The following ZC2HC1A variants were observed in gnomAD, a reference collection of about 807,000 sequenced individuals.
ZC2HC1A encodes the protein zinc finger C2HC-type containing 1A, also known as zinc finger C2HC domain-containing protein 1A.
ZC2HC1A carries 28 observed loss-of-function variants against 40.7 expected under a neutral mutation model. The observed-to-expected ratio is 0.69, with a 90% CI of 0.51 to 0.94. ZC2HC1A has a LOEUF of 0.94. ZC2HC1A is among the 40% of genes least tolerant of loss of function. The probability of loss-of-function intolerance (pLI) is 0.00; values close to 1 mark genes in which losing one functional copy is unlikely to be tolerated. For synonymous variants in ZC2HC1A, 129 were observed against 129.2 expected, an observed-to-expected ratio of 1.00 and a Z score of 0.01; for missense variants, 389 against 386.3, an observed-to-expected ratio of 1.01 and a Z score of -0.06.
At chr8:78,708,965 CAAAAGAT>C (rs2130593897) in intron 7 of ZC2HC1A, among the ~76,000 whole-genome samples, 1 of 152,166 alleles carries the variant, frequency 6.6e-6, no homozygotes, top group East Asian at 1.9e-4. Flanking sequence ...CACGCCCGGC[CAAAAGAT>C]GATTATCTTT....
chr8:78,706,882 A>G (rs1454851144), intron 7 of ZC2HC1A, among the ~76,000 whole-genome samples: 1 of 152,148 alleles, frequency 6.6e-6, no homozygotes, highest in African/African-American at 2.4e-5. Flanking sequence ...TAGAAAAGGA[A>G]AAAAAAATCA....
chr8:78,713,017 CTG>C (rs1810997252), intron 7 of ZC2HC1A, among the ~76,000 whole-genome samples: 1 of 152,122 alleles, frequency 6.6e-6, no homozygotes, highest in African/African-American at 2.4e-5. Context: ...AGAGTTTGTG[CTG>C]TGAGCCGTTT....
At chr8:78,670,476 GCTT>G in intron 1 of ZC2HC1A, among the ~76,000 whole-genome samples, 1 of 152,252 alleles carries the variant, frequency 6.6e-6, no homozygotes, top group South Asian at 2.1e-4. Context: ...AACATACTAA[GCTT>G]CTTTTTTTAA....
At chr8:78,698,567 G>T (rs1466635251) in intron 7 of ZC2HC1A, 54 bp downstream of exon 7, 10 of 1,242,876 alleles carry the variant, frequency 8.0e-6, no homozygotes, top group Non-Finnish European at 1.1e-5. Flanking sequence ...CGATACTAAG[G>T]TTTTGTTATG....
chr8:78,692,597 G>T (rs1170641348), intron 5 of ZC2HC1A, among the ~76,000 whole-genome samples: 1 of 152,054 alleles, frequency 6.6e-6, no homozygotes, highest in African/African-American at 2.4e-5. Context: ...AGGTCTAAGT[G>T]TAGGTGGTTA....
chr8:78,702,504 C>G (rs983366519), intron 7 of ZC2HC1A, among the ~76,000 whole-genome samples: 1 of 152,012 alleles, frequency 6.6e-6, no homozygotes, highest in Non-Finnish European at 1.5e-5. Context: ...CTTCTGCTAG[C>G]TTTGGGATTT....
chr8:78,716,027 G>A (rs1377029861), intron 8 of ZC2HC1A, among the ~76,000 whole-genome samples: 3 of 136,980 alleles, frequency 2.2e-5, no homozygotes, highest in African/African-American at 8.1e-5. Context: ...GTGACAGAGC[G>A]AGACTCCATC....
At chr8:78,683,383 C>T (rs1350272730) in intron 3 of ZC2HC1A, among the ~76,000 whole-genome samples, 1 of 152,226 alleles carries the variant, frequency 6.6e-6, no homozygotes, top group East Asian at 1.9e-4. Context: ...TCCCAAACCT[C>T]AACTCTTGAT....
chr8:78,696,695 G>A (rs1255854051), intron 5 of ZC2HC1A, among the ~76,000 whole-genome samples: 3 of 152,210 alleles, frequency 2.0e-5, no homozygotes, highest in Non-Finnish European at 2.9e-5. Flanking sequence ...ATGGTCTGGT[G>A]AGGATCGTGA....
intron 1 of ZC2HC1A, among the ~76,000 whole-genome samples, chr8:78,666,659 A>C (rs1416431137): frequency 6.6e-6 from 1 of 152,142 alleles, no homozygotes; most frequent in Non-Finnish European, 1.5e-5. Context: ...ACATTTCGAC[A>C]GCATCTTCTG....
chr8:78,694,103 G>T (rs755517195), intron 5 of ZC2HC1A, among the ~76,000 whole-genome samples: 1 of 151,934 alleles, frequency 6.6e-6, no homozygotes, highest in Non-Finnish European at 1.5e-5. Flanking sequence ...TCTCTGTTTT[G>T]TGTTTTTAAT....
chr8:78,695,391 T>C (rs938365420), intron 5 of ZC2HC1A, among the ~76,000 whole-genome samples: 1 of 152,200 alleles, frequency 6.6e-6, no homozygotes, highest in African/African-American at 2.4e-5. Flanking sequence ...TATGTAATGC[T>C]ACCAGGAACC....
chr8:78,711,333 A>G (rs776671613), intron 7 of ZC2HC1A, among the ~76,000 whole-genome samples: 16 of 152,090 alleles, frequency 1.1e-4, no homozygotes, highest in African/African-American at 2.2e-4. Context: ...TTGTCCTGCT[A>G]TCCTCTAGAT....
At chr8:78,694,018 G>T (rs1810311446) in intron 5 of ZC2HC1A, among the ~76,000 whole-genome samples, 1 of 152,094 alleles carries the variant, frequency 6.6e-6, no homozygotes, top group Non-Finnish European at 1.5e-5. Flanking sequence ...GTTTTTGTCA[G>T]GTTTGTCAAA....
intron 7 of ZC2HC1A, 119 bp from the exon 8 acceptor site, chr8:78,715,100 CTT>C: frequency 1.3e-6 from 1 of 797,902 alleles, no homozygotes; most frequent in Non-Finnish European, 1.9e-6. Context: ...ATTATTGGGA[CTT>C]TAATCTTTTG....
chr8:78,689,308 C>T lies in ZC2HC1A; in HGVS notation c.439C>T (p.Arg147Cys), dbSNP rs1475136497. 5 of 1,601,406 alleles carry T rather than the reference C, an allele frequency of 3.1e-6. No individual in the cohort carries two copies. The highest frequency in any genetic ancestry group is 4.3e-6 in the Non-Finnish European group (5 of 1,173,962). The change falls in exon 5 of 9, where the codon CGT becomes TGT. Residue 147 changes from arginine to cysteine, a missense_variant. Coordinates refer to ENST00000263849, the MANE Select transcript of ZC2HC1A (RefSeq NM_016010.3). Reference protein sequence around the residue: ...HINFCKEQAARISNKGKFSTD... With the variant: ...HINFCKEQAACISNKGKFSTD... ...AAATTTCTGTAAAGAACAGGCAGCA[C>T]GTATTAGTAATAAAGGGAAATTTTC...
chr8:78,706,702 T>C (rs1810785313), intron 7 of ZC2HC1A, among the ~76,000 whole-genome samples: 1 of 152,176 alleles, frequency 6.6e-6, no homozygotes, highest in Non-Finnish European at 1.5e-5. Flanking sequence ...TACTCACCCC[T>C]TTTCCTGTTA....
chr8:78,695,858 A>G (rs907539943), intron 5 of ZC2HC1A, among the ~76,000 whole-genome samples: 1 of 152,132 alleles, frequency 6.6e-6, no homozygotes, highest in Non-Finnish European at 1.5e-5. Flanking sequence ...TTTTTGTGTG[A>G]CCGTTTATCA....
intron 7 of ZC2HC1A, among the ~76,000 whole-genome samples, chr8:78,709,388 T>G (rs932860235): frequency 6.6e-6 from 1 of 152,216 alleles, no homozygotes; most frequent in Non-Finnish European, 1.5e-5. Flanking sequence ...GAAATGAATT[T>G]GTGTGGAGCG....
Sources: gnomAD v4.1 joint callset for allele counts (sites outside exome capture counted in the v4.1 genomes callset) on GRCh38, gnomAD v4.1.1 for gene constraint, MANE v1.5 for transcripts, NCBI Gene and HGNC (gene_info 2026-07-23, HGNC 2026-07-21) for gene names.